Variants in PPARGC1A observed in about 807,000 individuals in gnomAD.
The protein encoded by PPARGC1A is PPARG coactivator 1 alpha.
A neutral mutation model predicts 88.7 loss-of-function variants in PPARGC1A; 25 were observed. That is an observed-to-expected ratio of 0.28 (90% CI 0.21 to 0.39). The LOEUF (loss-of-function observed/expected upper bound fraction) is 0.39. Ranked by LOEUF, PPARGC1A falls within the 10% of genes least tolerant of loss-of-function variation. The probability of loss-of-function intolerance (pLI) is 1.00; values close to 1 mark genes in which losing one functional copy is unlikely to be tolerated. For missense variants in PPARGC1A, 880 were observed against 968.7 expected (o/e 0.91, Z 1.22); for synonymous variants, 363 against 355.6 (o/e 1.02, Z -0.24).
chr4:24,221,061 A>G, the PPARGC1A span, among the ~76,000 whole-genome samples: 1 of 152,182 alleles, frequency 6.6e-6, no homozygotes, highest in African/African-American at 2.4e-5. Context: ...TTTTACACAA[A>G]ATAAATCGTA....
chr4:24,051,385 G>C, the PPARGC1A span, among the ~76,000 whole-genome samples: 1 of 152,130 alleles, frequency 6.6e-6, no homozygotes, highest in Non-Finnish European at 1.5e-5. Flanking sequence ...TCTATCATAA[G>C]TGATATCAAT....
At chr4:24,197,996 A>G in the PPARGC1A span, among the ~76,000 whole-genome samples, 1 of 152,182 alleles carries the variant, frequency 6.6e-6, no homozygotes, top group African/African-American at 2.4e-5. Context: ...ATCATTCTTA[A>G]AATTCTTGGT....
At chr4:23,960,635 TATC>T in the PPARGC1A span, among the ~76,000 whole-genome samples, 1 of 152,074 alleles carries the variant, frequency 6.6e-6, no homozygotes, top group African/African-American at 2.4e-5. Flanking sequence ...ATGGCGAAAT[TATC>T]ATTATTTCCG....
At chr4:24,232,540 G>A in the PPARGC1A span, among the ~76,000 whole-genome samples, 1 of 152,186 alleles carries the variant, frequency 6.6e-6, no homozygotes, top group East Asian at 1.9e-4. Flanking sequence ...ACTATATCAC[G>A]GGAACAATCA....
chr4:24,462,748 A>G, the PPARGC1A span, among the ~76,000 whole-genome samples: 1 of 150,700 alleles, frequency 6.6e-6, no homozygotes, highest in Non-Finnish European at 1.5e-5. Context: ...AGAATCTAGT[A>G]TGGACCGGGC....
At chr4:23,809,994 T>C (rs1057249850) in intron 10 of PPARGC1A, among the ~76,000 whole-genome samples, 16 of 152,226 alleles carry the variant, frequency 1.1e-4, no homozygotes, top group African/African-American at 3.9e-4. Context: ...TATTTTTATC[T>C]GCCAGTATGG....
upstream of PPARGC1A, among the ~76,000 whole-genome samples, chr4:23,908,595 T>A (rs368399718): frequency 3.3e-5 from 5 of 152,294 alleles, no homozygotes; most frequent in Admixed American, 6.5e-5. Flanking sequence ...TAGTTATTTA[T>A]GTCTCAGTCA....
At chr4:23,844,039 C>A in intron 2 of PPARGC1A, among the ~76,000 whole-genome samples, 1 of 151,286 alleles carries the variant, frequency 6.6e-6, no homozygotes, top group South Asian at 2.1e-4. Context: ...TTTATTTACA[C>A]ATATTTATTG....
the PPARGC1A span, among the ~76,000 whole-genome samples, chr4:24,346,959 G>A: frequency 6.5e-3 from 983 of 152,116 alleles, 21 homozygotes; most frequent in African/African-American, 0.022. Flanking sequence ...CAGAGGTTTC[G>A]ACAGGTTCTA....
the PPARGC1A span, among the ~76,000 whole-genome samples, chr4:24,440,523 C>T: frequency 7.0e-4 from 107 of 152,218 alleles, no homozygotes; most frequent in African/African-American, 2.1e-3. Flanking sequence ...ATTTCTTGGC[C>T]GGCCGCAGTG....
chr4:24,342,993 T>C, the PPARGC1A span, among the ~76,000 whole-genome samples: 2 of 152,236 alleles, frequency 1.3e-5, no homozygotes, highest in African/African-American at 2.4e-5. Flanking sequence ...CCTCATGTTA[T>C]GATGTTCTTA....
At chr4:24,130,980 G>A in the PPARGC1A span, among the ~76,000 whole-genome samples, 80 of 152,234 alleles carry the variant, frequency 5.3e-4, 1 homozygote, top group Middle Eastern at 0.027. Context: ...TCTCCCACCC[G>A]CTTCCTGCAG....
chr4:24,174,451 T>G, the PPARGC1A span, among the ~76,000 whole-genome samples: 2 of 152,210 alleles, frequency 1.3e-5, no homozygotes, highest in African/African-American at 4.8e-5. Flanking sequence ...GCAGGAAAGT[T>G]TGGAGAACAC....
chr4:24,213,095 C>G, the PPARGC1A span, among the ~76,000 whole-genome samples: 1 of 151,658 alleles, frequency 6.6e-6, no homozygotes, highest in African/African-American at 2.4e-5. Flanking sequence ...CTAATCTAGT[C>G]TTGGAAACCC....
the PPARGC1A span, among the ~76,000 whole-genome samples, chr4:24,282,020 T>A: frequency 6.6e-6 from 1 of 152,208 alleles, no homozygotes; most frequent in Admixed American, 6.5e-5. Flanking sequence ...GAATCTATGC[T>A]TTTAACCTCT....
chr4:24,408,861 A>G, the PPARGC1A span, among the ~76,000 whole-genome samples: 1 of 152,330 alleles, frequency 6.6e-6, no homozygotes, highest in South Asian at 2.1e-4. Context: ...AAACATAACA[A>G]CAAACTACTG....
the PPARGC1A span, among the ~76,000 whole-genome samples, chr4:24,190,492 G>A: frequency 6.6e-6 from 1 of 152,080 alleles, no homozygotes; most frequent in South Asian, 2.1e-4. Flanking sequence ...TCCAGCCTGG[G>A]CTACAAAGTG....
At chr4:23,950,230 T>C in the PPARGC1A span, among the ~76,000 whole-genome samples, 1 of 152,164 alleles carries the variant, frequency 6.6e-6, no homozygotes, top group Non-Finnish European at 1.5e-5. Flanking sequence ...TTATCGTTGA[T>C]AGAGTGTTCT....
At chr4:24,450,407 T>C in the PPARGC1A span, among the ~76,000 whole-genome samples, 15 of 152,222 alleles carry the variant, frequency 9.9e-5, no homozygotes, top group African/African-American at 3.4e-4. Flanking sequence ...GGATTAGTAA[T>C]GTGCAGAGCT....
Sources: allele counts gnomAD v4.1 joint callset (sites outside exome capture counted in the v4.1 genomes callset), GRCh38; gene constraint gnomAD v4.1.1; transcripts MANE v1.5; gene names NCBI Gene and HGNC (gene_info 2026-07-23, HGNC 2026-07-21).